ABL1: variants seen among roughly 807,000 people sequenced by gnomAD.
ABL1 encodes ABL proto-oncogene 1, non-receptor tyrosine kinase.
A neutral mutation model predicts 94.7 loss-of-function variants in ABL1; 11 were observed. The observed-to-expected ratio is 0.12, with a 90% CI of 0.07 to 0.19. ABL1 has a LOEUF of 0.19. ABL1 is among the 10% of genes least tolerant of loss of function. The pLI is 1.00. For missense variants in ABL1, 1,082 were observed against 1,489.4 expected (o/e 0.73, Z 4.50); for synonymous variants, 656 against 622.4 (o/e 1.05, Z -0.80).
intron 1 of ABL1, among the ~76,000 whole-genome samples, chr9:130,736,783 G>C (rs1423838779): frequency 1.3e-5 from 2 of 152,176 alleles, no homozygotes; most frequent in Non-Finnish European, 2.9e-5. Flanking sequence ...GAGCCACTGT[G>C]CCCGGCCGGT....
intron 1 of ABL1, among the ~76,000 whole-genome samples, chr9:130,849,679 G>A (rs960231195): frequency 2.0e-5 from 3 of 152,006 alleles, no homozygotes; most frequent in East Asian, 1.9e-4. Context: ...CACCATGCCC[G>A]GCTAATTTGT....
At chr9:130,733,508 T>G (rs1831692493) in intron 1 of ABL1, among the ~76,000 whole-genome samples, 1 of 151,804 alleles carries the variant, frequency 6.6e-6, no homozygotes, top group African/African-American at 2.4e-5. Flanking sequence ...CTCAGGTGAT[T>G]CTCCTGCCTC....
chr9:130,763,010 A>G (rs1832136286), intron 1 of ABL1, among the ~76,000 whole-genome samples: 1 of 151,992 alleles, frequency 6.6e-6, no homozygotes, highest in Non-Finnish European at 1.5e-5. Context: ...TTCTCCTTCC[A>G]TGTCACAAAA....
rs572969307 is a variant in ABL1, at chr9:130,805,264, G to C, written c.137-48800G>C. On this transcript the variant is annotated intron_variant, in intron 1 of 10. Coordinates refer to the ABL1 transcript ENST00000372348. Reference sequence around the variant, plus strand: ...TCTAATTTGTTTTGTGTTTTTAGTAGAGACGGGGTTTCACAATATTGGTCA... The same window carrying C: ...TCTAATTTGTTTTGTGTTTTTAGTACAGACGGGGTTTCACAATATTGGTCA... 4.6e-5 allele frequency among the ~76,000 whole-genome samples: 7 copies of C among 152,232 alleles called. No individual in the cohort carries two copies. In the South Asian group the frequency reaches 1.5e-3, roughly 32 times the overall value.
intron 3 of ABL1, among the ~76,000 whole-genome samples, chr9:130,860,456 A>G (rs1831053525): frequency 6.6e-6 from 1 of 152,238 alleles, no homozygotes; most frequent in African/African-American, 2.4e-5. Flanking sequence ...AAATGAGCCC[A>G]AGAAGAAATT....
intron 1 of ABL1, among the ~76,000 whole-genome samples, chr9:130,714,772 G>T (rs1032594311): frequency 6.6e-6 from 1 of 152,128 alleles, no homozygotes; most frequent in Non-Finnish European, 1.5e-5. Context: ...GTTTCTTAGG[G>T]TCCCTGGTTC....
chr9:130,810,204 G>A (rs1830188940), intron 1 of ABL1, among the ~76,000 whole-genome samples: 1 of 152,178 alleles, frequency 6.6e-6, no homozygotes, highest in South Asian at 2.1e-4. Flanking sequence ...GTAAAGACAT[G>A]AAAGATGATG....
At chr9:130,728,171 C>G (rs921464301) in intron 1 of ABL1, among the ~76,000 whole-genome samples, 1 of 150,862 alleles carries the variant, frequency 6.6e-6, no homozygotes, top group East Asian at 2.0e-4. Context: ...TCAAGCTGTT[C>G]TCCCACCTCA....
intron 1 of ABL1, among the ~76,000 whole-genome samples, chr9:130,836,883 T>G (rs1830598184): frequency 6.6e-6 from 1 of 150,720 alleles, no homozygotes; most frequent in African/African-American, 2.4e-5. Context: ...TTAGATCAAG[T>G]AGGATTTCTG....
chr9:130,762,836 G>A (rs751486023), intron 1 of ABL1, among the ~76,000 whole-genome samples: 8 of 151,560 alleles, frequency 5.3e-5, no homozygotes, highest in Admixed American at 1.3e-4. Context: ...GCATGAACCC[G>A]GGAGGTGCAG....
At chr9:130,846,313 T>A (rs981733014) in intron 1 of ABL1, among the ~76,000 whole-genome samples, 25 of 152,220 alleles carry the variant, frequency 1.6e-4, no homozygotes, top group African/African-American at 6.0e-4. Context: ...CATGATCTCA[T>A]CCGCTGGAAC....
rs554646129 is a variant in ABL1 at position 130,733,397 on chromosome 9, G to A, written c.136+18942G>A. Among the ~76,000 whole-genome samples, 9 of 152,050 alleles carry A rather than the reference G, an allele frequency of 5.9e-5. No homozygotes were observed. The South Asian group carries it at 1.7e-3, about 28-fold the overall frequency. ...CATTGGTGATTTTGCAGCATCCTAG[G>A]TTGCAAAGAATATCTCTTGTGGATG... On this transcript the variant is annotated intron_variant, in intron 1 of 10. Transcript: ENST00000372348.
chr9:130,855,039 G>T lies in ABL1; in HGVS notation c.492G>T (p.Ser164=). Residue 164 remains serine (S), a synonymous_variant, in exon 3 of 11, where the codon TCG becomes TCT. Coordinates refer to ENST00000318560, the MANE Select transcript of ABL1 (RefSeq NM_005157.6). ...GCAGTCCTGGCCAGAGGTCCATCTC[G>T]CTGAGATACGAAGGGAGGGTGTACC... is the stretch of plus-strand genomic sequence containing the variant. ...SESSPGQRSI[S]LRYEGRVYHY... is the part of the protein sequence containing the mutation. The T allele has an allele frequency of 1.2e-6, 2 of 1,614,170 alleles. No individual in the cohort carries two copies. The highest frequency in any genetic ancestry group is 1.1e-5 in the South Asian group (1 of 91,080).
chr9:130,734,079 A>T (rs568357233), intron 1 of ABL1, among the ~76,000 whole-genome samples: 1 of 152,252 alleles, frequency 6.6e-6, no homozygotes, highest in African/African-American at 2.4e-5. Context: ...AATTGGAAAC[A>T]TTACTTTTTG....
At chr9:130,876,799 T>TGC (rs1831352907) in intron 7 of ABL1, among the ~76,000 whole-genome samples, 1 of 128,836 alleles carries the variant, frequency 7.8e-6, no homozygotes, top group Non-Finnish European at 1.6e-5. Context: ...TGCAGTGGCA[T>TGC]GATCTCAGCT....
intron 3 of ABL1, among the ~76,000 whole-genome samples, chr9:130,856,868 G>T (rs1327428277): frequency 6.6e-6 from 1 of 152,160 alleles, no homozygotes; most frequent in Non-Finnish European, 1.5e-5. Context: ...TATTTCAGTA[G>T]TCCCCTGCTG....
chr9:130,768,947 C>A (rs1240813004), intron 1 of ABL1, among the ~76,000 whole-genome samples: 2 of 152,090 alleles, frequency 1.3e-5, no homozygotes, highest in Non-Finnish European at 2.9e-5. Flanking sequence ...AATATAATCC[C>A]ATTTATACTA....
chr9:130,862,796 C>T lies in ABL1; in HGVS notation c.583C>T (p.Leu195=). The change falls in exon 4 of 11, where the codon CTG becomes TTG. Residue 195 remains leucine, a synonymous_variant. Coordinates refer to ENST00000318560, the MANE Select transcript of ABL1 (RefSeq NM_005157.6). This position sits in a 1 kb window ranked among gnomAD's most constrained non-coding sequence, Gnocchi z 5.5. ...YVSSESRFNT[L]AELVHHHSTV... ...CTCCTCCGAGAGCCGCTTCAACACC[C>T]TGGCCGAGTTGGTTCATCATCATTC... 6.2e-7 allele frequency: 1 copy of T among 1,614,138 alleles called. No homozygotes were observed. The highest frequency in any genetic ancestry group is 1.1e-5 in the South Asian group (1 of 91,050).
chr9:130,810,875 T>C (rs1047040677), intron 1 of ABL1, among the ~76,000 whole-genome samples: 1 of 152,046 alleles, frequency 6.6e-6, no homozygotes, highest in Non-Finnish European at 1.5e-5. Flanking sequence ...CTAAGGCACA[T>C]CTTAAGCAAA....
Sources: allele counts gnomAD v4.1 joint callset (sites outside exome capture counted in the v4.1 genomes callset), GRCh38; gene constraint gnomAD v4.1.1; non-coding constraint Gnocchi (gnomAD v3.1); transcripts MANE v1.5; gene names NCBI Gene and HGNC (gene_info 2026-07-23, HGNC 2026-07-21).